PPP3CA: variants seen among roughly 807,000 people sequenced by gnomAD.
PPP3CA encodes CAM-PRP catalytic subunit.
In PPP3CA, 14 loss-of-function variants were observed where a neutral mutation model predicts 66.5. The observed-to-expected ratio is 0.21, with a 90% CI of 0.14 to 0.33. The LOEUF (loss-of-function observed/expected upper bound fraction) is 0.33, where lower values mean the gene tolerates loss of function less well. PPP3CA is among the 10% of genes least tolerant of loss of function. The pLI is 1.00. For synonymous variants in PPP3CA, 232 were observed against 226.2 expected, an observed-to-expected ratio of 1.03 and a Z score of -0.23; for missense variants, 317 against 639.5, an observed-to-expected ratio of 0.50 and a Z score of 5.44.
At chr4:101,182,411 G>A (rs1050747561) in intron 2 of PPP3CA, among the ~76,000 whole-genome samples, 1 of 152,104 alleles carries the variant, frequency 6.6e-6, no homozygotes, top group African/African-American at 2.4e-5. Context: ...AATCTTTCCA[G>A]AAGACGTAGG....
At chr4:101,215,289 C>T (rs1725420614) in intron 1 of PPP3CA, among the ~76,000 whole-genome samples, 1 of 151,858 alleles carries the variant, frequency 6.6e-6, no homozygotes. Flanking sequence ...GAAATTAAAA[C>T]AAAAACTATT....
In PPP3CA at chr4:101,125,444, C is replaced by T. The variant is rs201326889; in HGVS notation, c.260-16366G>A. 1.3e-4 allele frequency among the ~76,000 whole-genome samples: 20 copies of T among 152,264 alleles called. No individual in the cohort carries two copies. In the East Asian group the frequency reaches 3.9e-3, roughly 29 times the overall value. ...AAACTATGCCATGAAATAAATGTGA[C>T]TGGCCCTCTGAAGGTCTCCTGCACA... On this transcript the variant is annotated intron_variant, in intron 2 of 13. Coordinates refer to ENST00000394854, the MANE Select transcript of PPP3CA (RefSeq NM_000944.5).
intron 1 of PPP3CA, among the ~76,000 whole-genome samples, chr4:101,241,204 G>C (rs983943482): frequency 6.6e-6 from 1 of 152,088 alleles, no homozygotes; most frequent in African/African-American, 2.4e-5. Flanking sequence ...ACAGTGAAAA[G>C]AGAAGTGACC....
chr4:101,311,101 T>C (rs773786486), intron 1 of PPP3CA, among the ~76,000 whole-genome samples: 2 of 152,238 alleles, frequency 1.3e-5, no homozygotes, highest in Non-Finnish European at 2.9e-5. Context: ...GGTTTCTTAT[T>C]AGCTTGCAAA....
intron 7 of PPP3CA, 34 bp downstream of exon 7, chr4:101,083,152 T>A (rs761130823): frequency 1.4e-6 from 2 of 1,394,892 alleles, no homozygotes; most frequent in South Asian, 3.7e-5. Flanking sequence ...AAATGGACAA[T>A]GCATGGTTTT....
rs151204149 is a variant in PPP3CA, at chr4:101,280,004, C to T, written c.58+66735G>A. Among the ~76,000 whole-genome samples, 126 of 152,280 alleles carry T rather than the reference C, an allele frequency of 8.3e-4. 1 individual carries two copies. Among genetic ancestry groups the T allele is most frequent in the African/African-American group, 2.8e-3 (115 of 41,558 alleles). On this transcript the variant is annotated intron_variant, in intron 1 of 13. Coordinates refer to ENST00000394854, the MANE Select transcript of PPP3CA (RefSeq NM_000944.5). ...GAACTGAAATCAACTATAACATCAT[C>T]GTGGTAGTAATGTTCATGTAGTCTT...
At chr4:101,265,893 T>G (rs1247182579) in intron 1 of PPP3CA, among the ~76,000 whole-genome samples, 2 of 152,112 alleles carry the variant, frequency 1.3e-5, no homozygotes, top group Admixed American at 6.6e-5. Context: ...CATAAACGTC[T>G]TTAAGATAAT....
chr4:101,216,377 A>G (rs1039955294), intron 1 of PPP3CA, among the ~76,000 whole-genome samples: 5 of 151,986 alleles, frequency 3.3e-5, no homozygotes, highest in African/African-American at 1.2e-4. Context: ...TGAATCCTGT[A>G]TTTTCTTTAC....
At chr4:101,240,458 G>A (rs1372608033) in intron 1 of PPP3CA, among the ~76,000 whole-genome samples, 2 of 152,024 alleles carry the variant, frequency 1.3e-5, no homozygotes, top group African/African-American at 4.8e-5. Context: ...CCCATTACAT[G>A]TCTGATGGGC....
chr4:101,093,511 T>A (rs1388380871), intron 6 of PPP3CA, among the ~76,000 whole-genome samples: 4 of 152,164 alleles, frequency 2.6e-5, no homozygotes, highest in Admixed American at 6.5e-5. Context: ...AATGACTTGC[T>A]TTATTGCAAT....
intron 2 of PPP3CA, among the ~76,000 whole-genome samples, chr4:101,135,025 A>C (rs1722571137): frequency 6.6e-6 from 1 of 152,064 alleles, no homozygotes; most frequent in Non-Finnish European, 1.5e-5. Flanking sequence ...ACAATGAGAA[A>C]ATATGGGCAC....
intron 2 of PPP3CA, among the ~76,000 whole-genome samples, chr4:101,122,657 A>G (rs928964141): frequency 1.3e-5 from 2 of 152,210 alleles, no homozygotes; most frequent in East Asian, 3.8e-4. Flanking sequence ...ATGAATCAAA[A>G]TAAGTGGATT....
chr4:101,107,975 A>G (rs1368417679), intron 3 of PPP3CA: 1 of 152,218 alleles, frequency 6.6e-6, no homozygotes, highest in African/African-American at 2.4e-5. Flanking sequence ...CACTTCTTTC[A>G]ATAAATTATT....
chr4:101,262,134 T>A (rs1240605620), intron 1 of PPP3CA, among the ~76,000 whole-genome samples: 3 of 152,144 alleles, frequency 2.0e-5, no homozygotes, highest in Non-Finnish European at 4.4e-5. Context: ...ATTTATTTTT[T>A]TCTTTAGCAA....
At chr4:101,108,504 G>A (rs1022890390) in intron 3 of PPP3CA, among the ~76,000 whole-genome samples, 2 of 152,154 alleles carry the variant, frequency 1.3e-5, no homozygotes, top group African/African-American at 2.4e-5. Flanking sequence ...GGTGGCTCAC[G>A]CCTGTAATCC....
At chr4:101,160,770 G>A (rs996540696) in intron 2 of PPP3CA, among the ~76,000 whole-genome samples, 2 of 151,932 alleles carry the variant, frequency 1.3e-5, no homozygotes, top group Admixed American at 6.6e-5. Flanking sequence ...GACAAATGAA[G>A]ATGTTCTTTA....
At chr4:101,083,334 A>G in intron 6 of PPP3CA, 71 bp from the exon 7 acceptor site, 2 of 1,288,242 alleles carry the variant, frequency 1.6e-6, no homozygotes, top group Admixed American at 3.5e-5. Context: ...TATCTCTAAC[A>G]TCCAGATCTA....
chr4:101,257,074 G>T (rs966193797), intron 1 of PPP3CA, among the ~76,000 whole-genome samples: 6 of 151,896 alleles, frequency 4.0e-5, no homozygotes, highest in Non-Finnish European at 7.4e-5. Flanking sequence ...TGTGACCTTG[G>T]ATGGGTCACT....
At chr4:101,065,034 T>G (rs1318182704) in intron 8 of PPP3CA, among the ~76,000 whole-genome samples, 1 of 151,982 alleles carries the variant, frequency 6.6e-6, no homozygotes, top group Admixed American at 6.6e-5. Context: ...GTGTAGGCAA[T>G]ACTGATATGA....
Sources: gnomAD v4.1 joint callset for allele counts (sites outside exome capture counted in the v4.1 genomes callset) on GRCh38, gnomAD v4.1.1 for gene constraint, MANE v1.5 for transcripts, NCBI Gene and HGNC (gene_info 2026-07-23, HGNC 2026-07-21) for gene names.